The following WWOX variants were observed in gnomAD, a reference collection of about 807,000 sequenced individuals.
WWOX encodes the protein WW domain-containing oxidoreductase.
A neutral mutation model predicts 46.2 loss-of-function variants in WWOX; 69 were observed. That is an observed-to-expected ratio of 1.49 (90% CI 1.23 to 1.82). The LOEUF is 1.82. WWOX is among the 40% of genes most tolerant of loss of function. The probability of loss-of-function intolerance (pLI) is 0.00; values close to 1 mark genes in which losing one functional copy is unlikely to be tolerated. For synonymous variants in WWOX, 359 were observed against 202.6 expected, an observed-to-expected ratio of 1.77 and a Z score of -6.56; for missense variants, 919 against 542.6, an observed-to-expected ratio of 1.69 and a Z score of -6.89.
At chr16:78,163,822 C>T (rs62045115) in intron 4 of WWOX, among the ~76,000 whole-genome samples, 20,103 of 152,128 alleles carry the variant, frequency 0.13, 1,560 homozygotes, top group East Asian at 0.22. Context: ...CTGGACATGC[C>T]GTGAACTCTT....
intron 8 of WWOX, among the ~76,000 whole-genome samples, chr16:79,105,660 GTT>G (rs1221027113): frequency 4.3e-5 from 6 of 138,830 alleles, no homozygotes; most frequent in African/African-American, 8.1e-5. Context: ...ATGTCTTTTT[GTT>G]TTTTTTTTTT....
chr16:78,969,103 A>C (rs1199968572), intron 8 of WWOX, among the ~76,000 whole-genome samples: 1 of 151,904 alleles, frequency 6.6e-6, no homozygotes, highest in African/African-American at 2.4e-5. Context: ...TGTGGGAGGG[A>C]GAAGCCAGTG....
chr16:78,918,335 T>C (rs1055184857), intron 8 of WWOX, among the ~76,000 whole-genome samples: 22 of 152,264 alleles, frequency 1.4e-4, no homozygotes, highest in South Asian at 4.1e-4. Context: ...CCTGTTTCTC[T>C]CTTCCTTTTC....
At chr16:78,354,273 T>C (rs2081240201) in intron 5 of WWOX, among the ~76,000 whole-genome samples, 1 of 148,708 alleles carries the variant, frequency 6.7e-6, no homozygotes, top group African/African-American at 2.5e-5. Context: ...CTCTTTTTGC[T>C]TGGCATAGGG....
chr16:78,200,028 T>A (rs959933293), intron 5 of WWOX, among the ~76,000 whole-genome samples: 4 of 152,208 alleles, frequency 2.6e-5, no homozygotes, highest in African/African-American at 9.7e-5. Context: ...ATGTGCAACC[T>A]AATTTTCTTT....
At position 79,162,256 on chromosome 16, in the gene WWOX, C is replaced by T. The variant is rs145807297; in HGVS notation, c.1057-49352C>T. ...CAGCCATTCTTTCAGTAAGTCATCA[C>T]GGAAGTCTGCCTCTGTGACAGATTC... On this transcript the variant is annotated intron_variant, in intron 8 of 8. Transcript: ENST00000566780. 4.5e-4 allele frequency among the ~76,000 whole-genome samples: 68 copies of T among 152,282 alleles called. No individual in the cohort carries two copies. The East Asian group carries it at 8.7e-3, about 19-fold the overall frequency.
At chr16:78,811,569 C>T (rs142596962) in intron 8 of WWOX, among the ~76,000 whole-genome samples, 51 of 151,952 alleles carry the variant, frequency 3.4e-4, no homozygotes, top group Non-Finnish European at 6.2e-4. Context: ...CGGGGTTTCA[C>T]CATGTTGGCC....
intron 8 of WWOX, among the ~76,000 whole-genome samples, chr16:78,557,064 G>T (rs528593198): frequency 1.3e-5 from 2 of 152,214 alleles, no homozygotes; most frequent in African/African-American, 4.8e-5. Flanking sequence ...AAAGAAAAGG[G>T]ATTGTCCTAA....
intron 8 of WWOX, among the ~76,000 whole-genome samples, chr16:78,948,061 C>T (rs1304772694): frequency 1.3e-5 from 2 of 152,188 alleles, no homozygotes; most frequent in East Asian, 1.9e-4. Context: ...AGAAGGCAGC[C>T]TGTGCCGTCA....
chr16:78,487,847 A>T (rs898638179), intron 8 of WWOX, among the ~76,000 whole-genome samples: 1 of 152,044 alleles, frequency 6.6e-6, no homozygotes, highest in South Asian at 2.1e-4. Context: ...GGAACCACCA[A>T]TCCCCCAACA....
At chr16:78,747,168 G>T (rs1054097254) in intron 8 of WWOX, among the ~76,000 whole-genome samples, 2 of 151,112 alleles carry the variant, frequency 1.3e-5, no homozygotes, top group Non-Finnish European at 2.9e-5. Context: ...TGGGAAGAGT[G>T]GTGGGGGGCA....
chr16:78,368,573 G>A (rs762023774), intron 5 of WWOX, among the ~76,000 whole-genome samples: 2 of 152,192 alleles, frequency 1.3e-5, no homozygotes, highest in Admixed American at 1.3e-4. Flanking sequence ...AAAGGAAGCT[G>A]CTGTTCATAA....
chr16:78,771,509 C>T (rs1438016326), intron 8 of WWOX, among the ~76,000 whole-genome samples: 1 of 152,128 alleles, frequency 6.6e-6, no homozygotes. Context: ...CGGTGGCTCA[C>T]GCCTGTAATC....
intron 7 of WWOX, 54 bp downstream of exon 7, chr16:78,425,109 A>G (rs2151960144): frequency 1.2e-6 from 2 of 1,603,804 alleles, no homozygotes; most frequent in South Asian, 1.1e-5. Flanking sequence ...ACCAGCTAAT[A>G]TTCCCCCAAG....
chr16:78,828,406 G>A (rs913895436), intron 8 of WWOX, among the ~76,000 whole-genome samples: 5 of 152,098 alleles, frequency 3.3e-5, no homozygotes, highest in Middle Eastern at 3.2e-3. Context: ...CAATATGACC[G>A]TGTACAGGAT....
chr16:79,173,213 C>T (rs564845656), intron 8 of WWOX, among the ~76,000 whole-genome samples: 7 of 152,344 alleles, frequency 4.6e-5, no homozygotes, highest in African/African-American at 9.6e-5. Flanking sequence ...CGGTTCACAT[C>T]ACCTGCTCCC....
intron 8 of WWOX, among the ~76,000 whole-genome samples, chr16:78,544,133 C>T (rs565144494): frequency 2.0e-5 from 3 of 152,220 alleles, no homozygotes; most frequent in African/African-American, 4.8e-5. Flanking sequence ...ATATATTGGC[C>T]AAGATCTAGC....
chr16:79,174,602 C>T (rs546561521), intron 8 of WWOX, among the ~76,000 whole-genome samples: 1 of 152,258 alleles, frequency 6.6e-6, no homozygotes, highest in South Asian at 2.1e-4. Flanking sequence ...GAGCCGAGAT[C>T]GCACCATTGC....
At chr16:78,792,029 C>G (rs1327461685) in intron 8 of WWOX, among the ~76,000 whole-genome samples, 1 of 152,108 alleles carries the variant, frequency 6.6e-6, no homozygotes, top group South Asian at 2.1e-4. Context: ...CTTATTTCAC[C>G]TTGAGCTACA....
Sources: allele counts gnomAD v4.1 joint callset (sites outside exome capture counted in the v4.1 genomes callset), GRCh38; gene constraint gnomAD v4.1.1; transcripts MANE v1.5; gene names NCBI Gene and HGNC (gene_info 2026-07-23, HGNC 2026-07-21).